The following CTNNA3 variants were observed in gnomAD, a reference collection of about 807,000 sequenced individuals.
CTNNA3 encodes catenin alpha 3, also known as catenin alpha-3.
Under a neutral mutation model 95.7 loss-of-function variants are expected in CTNNA3, and 76 were observed. That is an observed-to-expected ratio of 0.79 (90% CI 0.66 to 0.96). The LOEUF (loss-of-function observed/expected upper bound fraction) is 0.96. Among genes scored for constraint, CTNNA3 ranks in the 40% least tolerant of loss-of-function variants. The pLI, the probability that CTNNA3 is intolerant of heterozygous loss-of-function variation, is 0.00. For synonymous variants in CTNNA3, 431 were observed against 374.4 expected, an observed-to-expected ratio of 1.15 and a Z score of -1.74; for missense variants, 1,191 against 1,089.8, an observed-to-expected ratio of 1.09 and a Z score of -1.31.
At chr10:66,006,065 A>C (rs1414304532) in intron 15 of CTNNA3, among the ~76,000 whole-genome samples, 1 of 134,946 alleles carries the variant, frequency 7.4e-6, no homozygotes, top group Non-Finnish European at 1.5e-5. Flanking sequence ...CAGGCTGGAG[A>C]GCAGTGGCAC....
Position 67,369,902 on chromosome 10 carries a change from G to T in CTNNA3, c.580-150032C>A, listed in dbSNP as rs568249924. Among the ~76,000 whole-genome samples, 3 of 152,224 alleles carry T rather than the reference G, an allele frequency of 2.0e-5. No homozygotes were observed. In the South Asian group the frequency reaches 6.2e-4, roughly 32 times the overall value. On this transcript the variant is annotated intron_variant, in intron 5 of 17. Coordinates refer to ENST00000433211, the MANE Select transcript of CTNNA3 (RefSeq NM_013266.4). ...TTTGGAGGACACTTTGGCAATATCT[G>T]TACAAATTACAAATGCATATGCCCT...
intron 9 of CTNNA3, among the ~76,000 whole-genome samples, chr10:66,730,022 C>T (rs939337727): frequency 3.3e-5 from 5 of 150,436 alleles, no homozygotes; most frequent in East Asian, 2.0e-4. Context: ...AGGTGAATGG[C>T]GTGAACCCAG....
chr10:67,229,953 C>T lies in CTNNA3; in HGVS notation c.580-10083G>A, dbSNP rs189499742. Among the ~76,000 whole-genome samples the T allele has an allele frequency of 1.1e-3, 163 of 152,236 alleles. 1 individual carries two copies. The highest frequency in any genetic ancestry group is 3.9e-3 in the African/African-American group (161 of 41,534). On this transcript the variant is annotated intron_variant, in intron 5 of 17. Transcript: ENST00000433211. Reference sequence around the variant, plus strand: ...ATCAAAATACTACCATCATTCTTCACAGGATTAGAAAAAGCAATTCTAAAA... The same window carrying T: ...ATCAAAATACTACCATCATTCTTCATAGGATTAGAAAAAGCAATTCTAAAA...
In CTNNA3 at chr10:66,060,168, T is replaced by A. The variant is rs367851275; in HGVS notation, c.2159+9140A>T. Among the ~76,000 whole-genome samples, 45 of 152,148 alleles carry A rather than the reference T, an allele frequency of 3.0e-4. 2 individuals carry two copies. The East Asian group carries it at 4.3e-3, about 14-fold the overall frequency. On this transcript the variant is annotated intron_variant, in intron 15 of 17. Transcript: ENST00000433211. ...CACATCAGGGAAGGAATGAAATGGG[T>A]CTCAAGTGTTATGAAAGTCACAAAA...
At chr10:66,750,114 G>C (rs1160202443) in intron 9 of CTNNA3, among the ~76,000 whole-genome samples, 3 of 152,076 alleles carry the variant, frequency 2.0e-5, no homozygotes, top group Non-Finnish European at 2.9e-5. Flanking sequence ...GATGATAATA[G>C]TCTTTTATGG....
intron 7 of CTNNA3, among the ~76,000 whole-genome samples, chr10:66,918,299 T>A (rs1278052978): frequency 1.3e-5 from 2 of 152,210 alleles, no homozygotes; most frequent in African/African-American, 4.8e-5. Flanking sequence ...TGTTAACCAA[T>A]AAAGTTCTCA....
intron 9 of CTNNA3, among the ~76,000 whole-genome samples, chr10:66,702,188 C>G (rs1847966217): frequency 6.6e-6 from 1 of 151,958 alleles, no homozygotes; most frequent in South Asian, 2.1e-4. Flanking sequence ...AGCAGCATCA[C>G]CAGAATTCCC....
chr10:66,005,117 G>C (rs1329092899), intron 15 of CTNNA3, among the ~76,000 whole-genome samples: 2 of 152,098 alleles, frequency 1.3e-5, no homozygotes, highest in Non-Finnish European at 2.9e-5. Flanking sequence ...TCACTAAAAG[G>C]TATGCTTCTG....
intron 13 of CTNNA3, among the ~76,000 whole-genome samples, chr10:66,158,692 G>A (rs2084682405): frequency 6.6e-6 from 1 of 151,858 alleles, no homozygotes; most frequent in Middle Eastern, 3.2e-3. Flanking sequence ...AAGAATGATG[G>A]TGGTAATTTA....
At chr10:66,081,043 G>C (rs529291515) in intron 14 of CTNNA3, among the ~76,000 whole-genome samples, 1 of 152,178 alleles carries the variant, frequency 6.6e-6, no homozygotes, top group Non-Finnish European at 1.5e-5. Flanking sequence ...AGAAAAGGGA[G>C]GCCAGGGGCC....
chr10:66,123,641 T>G (rs1388224585), intron 13 of CTNNA3, among the ~76,000 whole-genome samples: 1 of 152,202 alleles, frequency 6.6e-6, no homozygotes. Context: ...ATCCCCACCC[T>G]GCAATAAATT....
At chr10:67,357,523 CA>C (rs1249833329) in intron 5 of CTNNA3, among the ~76,000 whole-genome samples, 2 of 151,960 alleles carry the variant, frequency 1.3e-5, no homozygotes, top group African/African-American at 4.8e-5. Context: ...CCTAACAACA[CA>C]ACTGAAAACA....
At chr10:66,835,606 T>A (rs766226627) in intron 7 of CTNNA3, among the ~76,000 whole-genome samples, 1 of 152,198 alleles carries the variant, frequency 6.6e-6, no homozygotes, top group Non-Finnish European at 1.5e-5. Flanking sequence ...AAGTGATACT[T>A]TTGACACACC....
At chr10:66,189,250 G>T (rs2086517067) in intron 13 of CTNNA3, among the ~76,000 whole-genome samples, 1 of 143,318 alleles carries the variant, frequency 7.0e-6, no homozygotes. Context: ...TGCTTCTCTT[G>T]CCTACACTTT....
chr10:66,575,784 G>A (rs1842986578), intron 10 of CTNNA3, among the ~76,000 whole-genome samples: 2 of 152,064 alleles, frequency 1.3e-5, no homozygotes, highest in Non-Finnish European at 2.9e-5. Flanking sequence ...AACATAACCG[G>A]TACATGGTTA....
At chr10:66,405,014 T>C (rs2093046821) in intron 11 of CTNNA3, among the ~76,000 whole-genome samples, 1 of 152,202 alleles carries the variant, frequency 6.6e-6, no homozygotes, top group Non-Finnish European at 1.5e-5. Context: ...CTCCTGCCTT[T>C]GCCCTAAGGC....
intron 16 of CTNNA3, among the ~76,000 whole-genome samples, chr10:65,986,152 T>G (rs1373294422): frequency 7.3e-5 from 11 of 151,510 alleles, no homozygotes. Context: ...TGTCTCTGGA[T>G]AGTTGACTCT....
At chr10:67,537,377 G>A (rs1434435168) in intron 4 of CTNNA3, among the ~76,000 whole-genome samples, 1 of 152,120 alleles carries the variant, frequency 6.6e-6, no homozygotes, top group East Asian at 1.9e-4. Flanking sequence ...CATGATCATA[G>A]GGCTGTTATA....
Position 65,981,373 on chromosome 10 carries a change from C to G in CTNNA3, c.2265+7319G>C, listed in dbSNP as rs10996807. 6.6e-4 allele frequency among the ~76,000 whole-genome samples: 101 copies of G among 152,078 alleles called. No homozygotes were observed. In the East Asian group the frequency reaches 0.016, roughly 24 times the overall value. On this transcript the variant is annotated intron_variant, in intron 16 of 17. Transcript: ENST00000433211. ...GCGACAGAAACAAATGGAAACACTC[C>G]CATGTTCATGGATGAGTAGAATCAA... is the stretch of plus-strand genomic sequence containing the variant.
Sources: allele counts gnomAD v4.1 joint callset (sites outside exome capture counted in the v4.1 genomes callset), GRCh38; gene constraint gnomAD v4.1.1; transcripts MANE v1.5; gene names NCBI Gene and HGNC (gene_info 2026-07-23, HGNC 2026-07-21).